Variants in CTNNA2 observed in about 807,000 individuals in gnomAD.
CTNNA2 encodes the protein catenin alpha-2.
CTNNA2 carries 42 observed loss-of-function variants against 101.0 expected under a neutral mutation model. The observed-to-expected ratio is 0.42, with a 90% CI of 0.32 to 0.54. The LOEUF is 0.54. Among genes scored for constraint, CTNNA2 ranks in the 20% least tolerant of loss-of-function variants. The pLI is 0.14. For missense variants in CTNNA2, 871 were observed against 1,223.1 expected (o/e 0.71, Z 4.29); for synonymous variants, 450 against 456.4 (o/e 0.99, Z 0.18).
chr2:79,874,773 A>C (rs1029075026), intron 6 of CTNNA2, among the ~76,000 whole-genome samples: 2 of 152,036 alleles, frequency 1.3e-5, no homozygotes, highest in African/African-American at 2.4e-5. Flanking sequence ...GTGCCATTGC[A>C]CTCCAGCCTG....
At chr2:79,226,729 A>G (rs1674414994) in intron 2 of CTNNA2, among the ~76,000 whole-genome samples, 1 of 152,172 alleles carries the variant, frequency 6.6e-6, no homozygotes, top group African/African-American at 2.4e-5. Flanking sequence ...ACCAGGCTGA[A>G]ATATGTTTAA....
intron 1 of CTNNA2, among the ~76,000 whole-genome samples, chr2:79,605,392 G>T (rs1187491264): frequency 6.6e-6 from 1 of 152,064 alleles, no homozygotes; most frequent in African/African-American, 2.4e-5. Flanking sequence ...AGAAATAATA[G>T]CTAGAAATAT....
chr2:80,516,004 C>G (rs1689079864), intron 9 of CTNNA2, among the ~76,000 whole-genome samples: 1 of 152,202 alleles, frequency 6.6e-6, no homozygotes, highest in Non-Finnish European at 1.5e-5. Flanking sequence ...TGTCTCTTCT[C>G]TCTCTCTTTC....
chr2:79,503,832 A>AG (rs1452266999), intron 4 of CTNNA2, among the ~76,000 whole-genome samples: 2 of 152,158 alleles, frequency 1.3e-5, no homozygotes, highest in East Asian at 3.9e-4. Flanking sequence ...CTACCCGGCC[A>AG]TTTTGGGTCC....
At chr2:80,389,834 C>T (rs1336947979) in intron 7 of CTNNA2, among the ~76,000 whole-genome samples, 1 of 152,144 alleles carries the variant, frequency 6.6e-6, no homozygotes, top group Non-Finnish European at 1.5e-5. Context: ...GCTCCAGAGT[C>T]AACTTCATTT....
At chr2:80,131,891 G>A (rs1702435549) in intron 7 of CTNNA2, among the ~76,000 whole-genome samples, 1 of 152,084 alleles carries the variant, frequency 6.6e-6, no homozygotes, top group African/African-American at 2.4e-5. Context: ...GACCAGCCTG[G>A]CTAACATGGT....
At chr2:80,465,207 C>T (rs1243771625) in intron 9 of CTNNA2, among the ~76,000 whole-genome samples, 3 of 152,098 alleles carry the variant, frequency 2.0e-5, no homozygotes, top group Non-Finnish European at 4.4e-5. Context: ...CAACCTCCTG[C>T]TCCAATTACA....
chr2:80,559,607 G>A (rs1034956326), intron 12 of CTNNA2, among the ~76,000 whole-genome samples: 1 of 152,128 alleles, frequency 6.6e-6, no homozygotes, highest in African/African-American at 2.4e-5. Context: ...AAGAATTATA[G>A]GGTAGCATTA....
At chr2:80,626,737 T>G (rs1364250356) in intron 18 of CTNNA2, among the ~76,000 whole-genome samples, 1 of 152,114 alleles carries the variant, frequency 6.6e-6, no homozygotes, top group Non-Finnish European at 1.5e-5. Context: ...TATTAGACTT[T>G]AAGTTCTGGG....
chr2:80,117,223 G>C lies in CTNNA2; in HGVS notation c.1056+207426G>C, dbSNP rs149250298. On this transcript the variant is annotated intron_variant, in intron 7 of 18. Coordinates refer to ENST00000402739, the MANE Select transcript of CTNNA2 (RefSeq NM_001282597.3). Reference sequence around the variant, plus strand: ...CCAGTTTTTAGTGAATAAGTGGAGAGAAGAAAATAGAAAACAATGCATATA... The same window carrying C: ...CCAGTTTTTAGTGAATAAGTGGAGACAAGAAAATAGAAAACAATGCATATA... Among the ~76,000 whole-genome samples the C allele has an allele frequency of 9.9e-5, 15 of 152,128 alleles. 1 individual carries two copies. In the East Asian group the frequency reaches 2.9e-3, roughly 30 times the overall value.
intron 6 of CTNNA2, among the ~76,000 whole-genome samples, chr2:79,895,985 A>G (rs1339077141): frequency 6.6e-6 from 1 of 152,110 alleles, no homozygotes; most frequent in Non-Finnish European, 1.5e-5. Flanking sequence ...TCTCCTGCCC[A>G]TTGAAAGTAG....
intron 2 of CTNNA2, among the ~76,000 whole-genome samples, chr2:79,702,276 A>T (rs1685064593): frequency 6.6e-6 from 1 of 152,000 alleles, no homozygotes; most frequent in South Asian, 2.1e-4. Context: ...GTATACCATG[A>T]TGTGTGAAAA....
intron 1 of CTNNA2, among the ~76,000 whole-genome samples, chr2:79,543,239 A>G (rs893917956): frequency 7.9e-5 from 12 of 152,316 alleles, no homozygotes; most frequent in Admixed American, 5.9e-4. Flanking sequence ...AAATATTTGT[A>G]AAGTTTCATT....
chr2:79,946,898 C>T lies in CTNNA2; in HGVS notation c.1056+37101C>T, dbSNP rs980064428. On this transcript the variant is annotated intron_variant, in intron 7 of 18. Coordinates refer to ENST00000402739, the MANE Select transcript of CTNNA2 (RefSeq NM_001282597.3). Reference sequence around the variant, plus strand: ...ACTGTTCACAGCAATGGCCTTCAGGCGTGGAAGAGACCAGTCTCCAAGAAG... The same window carrying T: ...ACTGTTCACAGCAATGGCCTTCAGGTGTGGAAGAGACCAGTCTCCAAGAAG... Among the ~76,000 whole-genome samples, 2 of 152,256 alleles carry T rather than the reference C, an allele frequency of 1.3e-5. 1 individual carries two copies. The highest frequency in any genetic ancestry group is 4.1e-4 in the South Asian group (2 of 4,824).
intron 7 of CTNNA2, among the ~76,000 whole-genome samples, chr2:80,041,674 A>G (rs187704756): frequency 1.3e-5 from 2 of 152,334 alleles, no homozygotes; most frequent in Admixed American, 1.3e-4. Flanking sequence ...CCATAGTCAT[A>G]GTATGTATTT....
rs74640426 is a variant in CTNNA2, at chr2:79,324,195, A to G, written c.-318+11399A>G. Among the ~76,000 whole-genome samples the G allele has an allele frequency of 2.8e-3, 419 of 152,348 alleles. 2 individuals are homozygous for G. Among genetic ancestry groups the G allele is most frequent in the Admixed American group, 3.2e-3 (49 of 15,304 alleles). ...AAAGGCAGACTATTTTGTTACTTGC[A>G]GCTCTGAATGAGAGAAGGCTGCCAG... On this transcript the variant is annotated intron_variant, in intron 3 of 21. Transcript: ENST00000466387.
chr2:79,268,968 T>A (rs1558592903), intron 2 of CTNNA2, among the ~76,000 whole-genome samples: 1 of 152,090 alleles, frequency 6.6e-6, no homozygotes, highest in Non-Finnish European at 1.5e-5. Flanking sequence ...AGTTAGAACC[T>A]CTGTGTTGGG....
At chr2:79,646,048 AG>A in intron 1 of CTNNA2, among the ~76,000 whole-genome samples, 1 of 152,352 alleles carries the variant, frequency 6.6e-6, no homozygotes, top group Admixed American at 6.5e-5. Context: ...GAGAGAAAAC[AG>A]GTTTGGGTGG....
chr2:79,194,876 T>C (rs1324830102), intron 1 of CTNNA2, among the ~76,000 whole-genome samples: 2 of 152,246 alleles, frequency 1.3e-5, no homozygotes, highest in African/African-American at 4.8e-5. Flanking sequence ...TGTTGCTTTT[T>C]TCTTTCACTG....
Sources: gnomAD v4.1 joint callset for allele counts (sites outside exome capture counted in the v4.1 genomes callset) on GRCh38, gnomAD v4.1.1 for gene constraint, MANE v1.5 for transcripts, NCBI Gene and HGNC (gene_info 2026-07-23, HGNC 2026-07-21) for gene names.